The following DNAJC17 variants were observed in gnomAD, a reference collection of about 807,000 sequenced individuals.
The protein encoded by DNAJC17 is dnaJ homolog subfamily C member 17.
In DNAJC17, 35 loss-of-function variants were observed where a neutral mutation model predicts 48.1. The observed-to-expected ratio is 0.73, with a 90% CI of 0.56 to 0.96. The LOEUF (loss-of-function observed/expected upper bound fraction) is 0.96, where lower values mean the gene tolerates loss of function less well. Ranked by LOEUF, DNAJC17 falls within the 50% of genes least tolerant of loss-of-function variation. The pLI is 0.00. For synonymous variants in DNAJC17, 117 were observed against 142.7 expected, an observed-to-expected ratio of 0.82 and a Z score of 1.28; for missense variants, 355 against 377.1, an observed-to-expected ratio of 0.94 and a Z score of 0.48.
At chr15:40,774,084 C>T (rs1889245900) in intron 9 of DNAJC17, among the ~76,000 whole-genome samples, 1 of 152,158 alleles carries the variant, frequency 6.6e-6, no homozygotes, top group African/African-American at 2.4e-5. Context: ...CTCACAGCCC[C>T]AAGGGGTGCA....
Position 40,765,662 on chromosome 15 carries a change from C to A in DNAJC17, c.*2278G>T. On this transcript the variant is annotated 3_prime_UTR_variant, in exon 11 of 11. Coordinates refer to ENST00000220496, the MANE Select transcript of DNAJC17 (RefSeq NM_018163.3). ...ATTGCTCCTCCTGATCATTGATGGG[C>A]TCCACCCCTTCACAGCTTGTGCTCA... 1 of 411,488 alleles carries A rather than the reference C, an allele frequency of 2.4e-6. No individual in the cohort carries two copies. 25.5% of individuals were successfully genotyped at this position (411,488 alleles called of 1,614,324 possible).
At chr15:40,775,315 A>T in intron 7 of DNAJC17, 1 of 696,948 alleles carries the variant, frequency 1.4e-6, no homozygotes, top group Non-Finnish European at 2.4e-6. Flanking sequence ...CGCCCAGAAG[A>T]CCCTCTCCTG....
chr15:40,765,831 TG>T lies in DNAJC17; in HGVS notation c.*2108del. 6.5e-7 allele frequency: 1 copy of T among 1,546,350 alleles called. No homozygotes were observed. The highest frequency in any genetic ancestry group is 8.8e-7 in the Non-Finnish European group (1 of 1,133,992). ...CCACTGTGGCTTACCTTGCAGGAGG[TG>T]GGCCCCACTATGGTGGGCGATGAAC... On this transcript the variant is annotated 3_prime_UTR_variant, in exon 11 of 11. Transcript: ENST00000220496.
chr15:40,773,107 C>T (rs75844322), intron 10 of DNAJC17, among the ~76,000 whole-genome samples: 21,236 of 151,994 alleles, frequency 0.14, 1,478 homozygotes, highest in Middle Eastern at 0.2. Context: ...ATTACAGGTG[C>T]GCACCATCAT....
At chr15:40,800,725 G>A (rs1029406630) in intron 1 of DNAJC17, among the ~76,000 whole-genome samples, 1 of 150,260 alleles carries the variant, frequency 6.7e-6, no homozygotes, top group Non-Finnish European at 1.5e-5. Context: ...GGTGGCTCAC[G>A]CCTGTAATCC....
Position 40,770,316 on chromosome 15 carries a change from C to T in DNAJC17, c.793-2254G>A. The T allele has an allele frequency of 1.6e-6, 1 of 635,316 alleles. No individual in the cohort carries two copies. Among genetic ancestry groups the T allele is most frequent in the South Asian group, 2.1e-5 (1 of 47,398 alleles). 39.4% of individuals were successfully genotyped at this position (635,316 alleles called of 1,614,324 possible). On this transcript the variant is annotated intron_variant, in intron 10 of 10. Transcript: ENST00000220496. This position sits in a 1 kb window ranked among gnomAD's most constrained non-coding sequence, Gnocchi z 5.0. ...GTCTGCTCTCCTGGGCAAAAAAGTTCCTTCTTCCTGAGCCCTCCTCTCACC... is the reference window on the plus strand; with the variant it reads ...GTCTGCTCTCCTGGGCAAAAAAGTTTCTTCTTCCTGAGCCCTCCTCTCACC...
intron 1 of DNAJC17, chr15:40,807,060 G>T (rs114485719): frequency 1.7e-6 from 1 of 603,862 alleles, no homozygotes; most frequent in Non-Finnish European, 2.9e-6. Context: ...AACGGAGGCC[G>T]AGACTGCGCA....
chr15:40,792,109 A>T (rs1889823227), intron 1 of DNAJC17, among the ~76,000 whole-genome samples: 1 of 152,180 alleles, frequency 6.6e-6, no homozygotes, highest in South Asian at 2.1e-4. Flanking sequence ...ATTCCCTGTC[A>T]TGCTAGGCAC....
intron 4 of DNAJC17, 129 bp from the exon 5 acceptor site, chr15:40,776,756 C>T: frequency 2.4e-6 from 2 of 823,080 alleles, no homozygotes; most frequent in South Asian, 3.0e-5. Context: ...TCTGCCCCCT[C>T]CCTCCATGCC....
At chr15:40,799,880 C>T (rs903629019) in intron 1 of DNAJC17, among the ~76,000 whole-genome samples, 5 of 152,146 alleles carry the variant, frequency 3.3e-5, no homozygotes, top group African/African-American at 4.8e-5. Context: ...GACAAGGTCT[C>T]GCTTTGTCAT....
At chr15:40,775,502 A>G (rs1346482813) in intron 7 of DNAJC17, 51 bp downstream of exon 7, 1 of 1,596,308 alleles carries the variant, frequency 6.3e-7, no homozygotes, top group African/African-American at 1.3e-5. Flanking sequence ...ATTCCTGCTG[A>G]GGGGAGGCGG....
At chr15:40,804,362 G>C (rs1308003672) in intron 1 of DNAJC17, among the ~76,000 whole-genome samples, 10 of 151,208 alleles carry the variant, frequency 6.6e-5, no homozygotes, top group Non-Finnish European at 1.5e-4. Flanking sequence ...AGGATAGCTT[G>C]AACCCAGGAG....
At chr15:40,775,684 T>C in intron 6 of DNAJC17, 88 bp from the exon 7 acceptor site, 3 of 1,389,544 alleles carry the variant, frequency 2.2e-6, no homozygotes, top group Non-Finnish European at 3.1e-6. Flanking sequence ...AAGAAGGGTC[T>C]GGAAAGGGTC....
chr15:40,807,031 C>T, intron 1 of DNAJC17: 1 of 562,566 alleles, frequency 1.8e-6, no homozygotes, highest in Non-Finnish European at 3.1e-6. Flanking sequence ...CCTCTTGTCA[C>T]AGTCAAGGCA....
In DNAJC17 at chr15:40,779,452, G is replaced by A. The variant is rs949918855; in HGVS notation, c.207+93C>T. The A allele has an allele frequency of 8.3e-6, 13 of 1,574,488 alleles. 1 individual carries two copies. The South Asian group carries it at 1.0e-4, about 12-fold the overall frequency. ...CTCCTGGGCTTAGACAGCAAGGACTGTGCCACATGGCAAAGGGCAGAGGAC... is the reference window on the plus strand; with the variant it reads ...CTCCTGGGCTTAGACAGCAAGGACTATGCCACATGGCAAAGGGCAGAGGAC... On this transcript the variant is annotated intron_variant, in intron 3 of 10. Transcript: ENST00000220496.
Position 40,770,307 on chromosome 15 carries a change from A to AAAAAAGTTCCTTCTTCCTGAGCC in DNAJC17, c.793-2268_793-2246dup. The AAAAAAGTTCCTTCTTCCTGAGCC allele has an allele frequency of 1.6e-6, 1 of 614,390 alleles. No homozygotes were observed. The highest frequency in any genetic ancestry group is 2.2e-5 in the South Asian group (1 of 46,500). The allele number at this position is 614,390 out of a possible 1,614,324, so 38.1% of individuals were successfully genotyped here. A position where few individuals can be genotyped will look rare whatever the true frequency, so the allele number is the denominator to read the frequency against. On this transcript the variant is annotated intron_variant, in intron 10 of 10. Transcript: ENST00000220496. This position sits in a 1 kb window ranked among gnomAD's most constrained non-coding sequence, Gnocchi z 5.0. ...CTCCCAGCTGTCTGCTCTCCTGGGCAAAAAAGTTCCTTCTTCCTGAGCCCT... is the reference window on the plus strand; with the variant it reads ...CTCCCAGCTGTCTGCTCTCCTGGGCAAAAAAGTTCCTTCTTCCTGAGCCAAAAAGTTCCTTCTTCCTGAGCCCT...
In DNAJC17 at chr15:40,775,610, G is replaced by A. The variant is rs780180707; in HGVS notation, c.479-14C>T. 1.2e-6 allele frequency: 2 copies of A among 1,612,428 alleles called. No homozygotes were observed. Among genetic ancestry groups the A allele is most frequent in the Non-Finnish European group, 1.7e-6 (2 of 1,178,546 alleles). The stretch of plus-strand genomic sequence containing the variant: ...TTTCTGCCTTTCCTAGAAATATTGG[G>A]AAAAGAAGAAAAGTAGAATATGAGG... On this transcript the variant is annotated splice_polypyrimidine_tract_variant and intron_variant, in intron 6 of 10. Coordinates refer to ENST00000220496, the MANE Select transcript of DNAJC17 (RefSeq NM_018163.3).
Position 40,767,128 on chromosome 15 carries a change from A to T in DNAJC17, c.*812T>A. 1 of 1,270,814 alleles carries T rather than the reference A, an allele frequency of 7.9e-7. No homozygotes were observed. Among genetic ancestry groups the T allele is most frequent in the South Asian group, 2.1e-5 (1 of 47,324 alleles). The allele number at this position is 1,270,814 out of a possible 1,614,324, so 78.7% of individuals were successfully genotyped here. A position where few individuals can be genotyped will look rare whatever the true frequency, so the allele number is the denominator to read the frequency against. On this transcript the variant is annotated 3_prime_UTR_variant, in exon 11 of 11. Transcript: ENST00000220496. Reference sequence around the variant, plus strand: ...AGCAAGCAGCCAGCAAGTGTGAGTCACTACAAGAGTGGCCAGGCTGCCTGC... The same window carrying T: ...AGCAAGCAGCCAGCAAGTGTGAGTCTCTACAAGAGTGGCCAGGCTGCCTGC...
At position 40,794,123 on chromosome 15, in the gene DNAJC17, G is replaced by A. The variant is rs11632015; in HGVS notation, c.78+13246C>T. On this transcript the variant is annotated intron_variant, in intron 1 of 10. Transcript: ENST00000220496. Reference sequence around the variant, plus strand: ...TCCCAGCACTTTGGGAGGCCGAGGCGGGCGGATCACAAGGTGAGGAGTTTG... The same window carrying A: ...TCCCAGCACTTTGGGAGGCCGAGGCAGGCGGATCACAAGGTGAGGAGTTTG... 3.6e-3 allele frequency among the ~76,000 whole-genome samples: 541 copies of A among 148,580 alleles called. 1 individual carries two copies. Among genetic ancestry groups the A allele is most frequent in the Non-Finnish European group, 5.9e-3 (395 of 67,028 alleles).
Sources: gnomAD v4.1 joint callset for allele counts (sites outside exome capture counted in the v4.1 genomes callset) on GRCh38, gnomAD v4.1.1 for gene constraint, Gnocchi (gnomAD v3.1) non-coding constraint, MANE v1.5 for transcripts, NCBI Gene and HGNC (gene_info 2026-07-23, HGNC 2026-07-21) for gene names.